Variants in CCDC12 observed in about 807,000 individuals in gnomAD.
CCDC12 encodes the protein coiled-coil domain containing 12, also known as coiled-coil domain-containing protein 12.
Under a neutral mutation model 25.7 loss-of-function variants are expected in CCDC12, and 28 were observed. The ratio of observed to expected loss-of-function variants is 1.09; its 90% CI spans 0.81 to 1.50. CCDC12 has a LOEUF of 1.50. Ranked by LOEUF, CCDC12 falls within the 40% of genes most tolerant of loss-of-function variation. The probability of loss-of-function intolerance (pLI) is 0.00; values close to 1 mark genes in which losing one functional copy is unlikely to be tolerated. For missense variants in CCDC12, 198 were observed against 210.0 expected (o/e 0.94, Z 0.35); for synonymous variants, 75 against 87.7 (o/e 0.86, Z 0.81).
At chr3:46,923,700 T>G in intron 3 of CCDC12, 32 bp from the exon 4 acceptor site, 1 of 1,474,832 alleles carries the variant, frequency 6.8e-7, no homozygotes, top group Non-Finnish European at 9.0e-7. Context: ...AGAAGGCCTG[T>G]GGAAAACGCG....
At chr3:46,931,494 G>A (rs2033209906) in intron 2 of CCDC12, among the ~76,000 whole-genome samples, 1 of 152,190 alleles carries the variant, frequency 6.6e-6, no homozygotes, top group African/African-American at 2.4e-5. Context: ...GGGGTTTCAT[G>A]GCCCCTGGTC....
chr3:46,934,736 G>A (rs181250747), intron 2 of CCDC12, among the ~76,000 whole-genome samples: 2 of 152,270 alleles, frequency 1.3e-5, no homozygotes, highest in East Asian at 3.9e-4. Flanking sequence ...CAAGAAACAG[G>A]GTCAGGAAAA....
At chr3:46,979,109 A>G (rs933159823), upstream of CCDC12, among the ~76,000 whole-genome samples, 2 of 152,146 alleles carry the variant, frequency 1.3e-5, no homozygotes, top group Admixed American at 6.5e-5. Context: ...AGCGTTTGGG[A>G]AGGCTTCCTG....
At chr3:46,927,210 C>A (rs940078312) in intron 2 of CCDC12, among the ~76,000 whole-genome samples, 1 of 152,170 alleles carries the variant, frequency 6.6e-6, no homozygotes, top group Non-Finnish European at 1.5e-5. Flanking sequence ...AGATACCCCA[C>A]CCCGTCCCCC....
rs750472737 is a variant in CCDC12, at chr3:46,922,028, G to A, written c.*29C>T. The A allele has an allele frequency of 3.7e-6, 6 of 1,611,604 alleles. No individual in the cohort carries two copies. In the Admixed American group the frequency reaches 1.0e-4, roughly 27 times the overall value. On this transcript the variant is annotated 3_prime_UTR_variant, in exon 7 of 7. Transcript: ENST00000683445. ...AGACCATCCTCTGCAGGACAGGCCT[G>A]ATGGGCGAGTGGTGGGGCAGGGCAT...
chr3:46,938,821 C>T (rs1480430414), intron 2 of CCDC12, among the ~76,000 whole-genome samples: 3 of 151,722 alleles, frequency 2.0e-5, no homozygotes, highest in Non-Finnish European at 2.9e-5. Context: ...CACTGCACTC[C>T]AGCCTGGGTG....
intron 1 of CCDC12, among the ~76,000 whole-genome samples, chr3:46,949,130 T>C (rs2034018531): frequency 6.6e-6 from 1 of 152,138 alleles, no homozygotes; most frequent in African/African-American, 2.4e-5. Context: ...CTTCAGATTC[T>C]CAAGGGGGTG....
At chr3:46,979,498 G>T (rs2035148421), upstream of CCDC12, 1 of 172,372 alleles carries the variant, frequency 5.8e-6, no homozygotes, top group South Asian at 2.0e-4. Context: ...CGGAGGCTCA[G>T]GCTGGCCCTT....
upstream of CCDC12, among the ~76,000 whole-genome samples, chr3:46,980,529 C>T (rs1243791372): frequency 1.4e-5 from 2 of 146,908 alleles, no homozygotes; most frequent in Non-Finnish European, 3.0e-5. Flanking sequence ...GAGGGGTAGA[C>T]CCAGGACCTC....
intron 1 of CCDC12, among the ~76,000 whole-genome samples, chr3:46,957,307 G>C (rs143206112): frequency 6.6e-6 from 1 of 152,152 alleles, no homozygotes; most frequent in South Asian, 2.1e-4. Context: ...TCTAGTACTC[G>C]AAGGCAGTAG....
At chr3:46,964,948 TA>T (rs2034595252) in intron 1 of CCDC12, among the ~76,000 whole-genome samples, 1 of 150,674 alleles carries the variant, frequency 6.6e-6, no homozygotes, top group African/African-American at 2.4e-5. Context: ...GAATGATCAA[TA>T]AAAAAATAAA....
intron 2 of CCDC12, 88 bp downstream of exon 2, chr3:46,940,910 A>C (rs1172287546): frequency 2.7e-5 from 35 of 1,279,868 alleles, no homozygotes; most frequent in Non-Finnish European, 3.0e-5. Flanking sequence ...CAGGGCAGAC[A>C]CTGAACAGAG....
At chr3:46,964,710 G>A (rs1363413311) in intron 1 of CCDC12, among the ~76,000 whole-genome samples, 1 of 152,096 alleles carries the variant, frequency 6.6e-6, no homozygotes, top group Non-Finnish European at 1.5e-5. Flanking sequence ...AATGGATTAA[G>A]GGCGGTGCAA....
intron 1 of CCDC12, among the ~76,000 whole-genome samples, chr3:46,969,619 G>GTATTTGAT (rs2034742016): frequency 6.6e-6 from 1 of 152,124 alleles, no homozygotes; most frequent in Non-Finnish European, 1.5e-5. Context: ...TACACAGATG[G>GTATTTGAT]CCCCAAATCA....
chr3:46,928,461 T>C (rs1223203650), intron 2 of CCDC12, among the ~76,000 whole-genome samples: 1 of 152,146 alleles, frequency 6.6e-6, no homozygotes, highest in Non-Finnish European at 1.5e-5. Context: ...AAAATAACTG[T>C]GGTTTTTGCC....
chr3:46,945,890 G>T (rs142114857), intron 1 of CCDC12, among the ~76,000 whole-genome samples: 8 of 152,204 alleles, frequency 5.3e-5, no homozygotes, highest in Non-Finnish European at 1.2e-4. Flanking sequence ...AGACCAGCTA[G>T]AGGTTTATCA....
chr3:46,925,315 T>A (rs1425355988), intron 3 of CCDC12, 141 bp downstream of exon 3: 1 of 746,104 alleles, frequency 1.3e-6, no homozygotes, highest in Non-Finnish European at 2.4e-6. Flanking sequence ...GCATCTGCCA[T>A]GAGATGGTAA....
At chr3:46,954,612 A>T (rs1348777849) in intron 1 of CCDC12, among the ~76,000 whole-genome samples, 1 of 152,170 alleles carries the variant, frequency 6.6e-6, no homozygotes, top group African/African-American at 2.4e-5. Flanking sequence ...AGGGAATAAG[A>T]GCTACCATTT....
intron 2 of CCDC12, among the ~76,000 whole-genome samples, chr3:46,927,951 T>C (rs970676143): frequency 4.6e-5 from 7 of 152,084 alleles, no homozygotes; most frequent in African/African-American, 1.2e-4. Context: ...TCAAGGAGCA[T>C]GGGGGGGTTC....
Sources: allele counts gnomAD v4.1 joint callset (sites outside exome capture counted in the v4.1 genomes callset), GRCh38; gene constraint gnomAD v4.1.1; transcripts MANE v1.5; gene names NCBI Gene and HGNC (gene_info 2026-07-23, HGNC 2026-07-21).